The following SCNN1B variants were observed in gnomAD, a reference collection of about 807,000 sequenced individuals.
The protein encoded by SCNN1B is epithelial sodium channel subunit beta.
In SCNN1B, 46 loss-of-function variants were observed where a neutral mutation model predicts 65.3. The observed-to-expected ratio is 0.70, with a 90% CI of 0.56 to 0.90. The LOEUF (loss-of-function observed/expected upper bound fraction) is 0.90. Ranked by LOEUF, SCNN1B falls within the 40% of genes least tolerant of loss-of-function variation. SCNN1B has a pLI of 0.00. For synonymous variants in SCNN1B, 349 were observed against 330.6 expected, an observed-to-expected ratio of 1.06 and a Z score of -0.60; for missense variants, 751 against 830.5, an observed-to-expected ratio of 0.90 and a Z score of 1.18.
At chr16:23,284,087 T>C (rs542944713) in intron 2 of SCNN1B, among the ~76,000 whole-genome samples, 1 of 152,308 alleles carries the variant, frequency 6.6e-6, no homozygotes, top group African/African-American at 2.4e-5. Flanking sequence ...GCAGTAGAGC[T>C]TGGGAAATGT....
intron 1 of SCNN1B, among the ~76,000 whole-genome samples, chr16:23,280,147 G>C (rs905251924): frequency 4.6e-5 from 7 of 152,150 alleles, no homozygotes; most frequent in Admixed American, 3.3e-4. Flanking sequence ...ACTCCGCCAG[G>C]GGCTTTGCGT....
At chr16:23,358,121 A>T (rs1962458403) in intron 4 of SCNN1B, 1 of 152,224 alleles carries the variant, frequency 6.6e-6, no homozygotes, top group African/African-American at 2.4e-5. Context: ...CGGCCACCTC[A>T]TGGGTAGCTG....
chr16:23,305,410 T>C (rs1364839534), intron 1 of SCNN1B, among the ~76,000 whole-genome samples: 1 of 150,270 alleles, frequency 6.7e-6, no homozygotes, highest in Non-Finnish European at 1.5e-5. Context: ...CCCAGCACTT[T>C]GGGAGACCAA....
intron 7 of SCNN1B, among the ~76,000 whole-genome samples, chr16:23,374,268 G>GGAAAAAAA (rs1491419571): frequency 5.0e-4 from 30 of 60,456 alleles, no homozygotes; most frequent in African/African-American, 1.6e-3. Context: ...CCTGTCTCAG[G>GGAAAAAAA]AAAAAAAAAA....
chr16:23,305,534 TTATATATATA>T (rs56338840), intron 1 of SCNN1B, among the ~76,000 whole-genome samples: 2 of 7,372 alleles, frequency 2.7e-4, no homozygotes, highest in Non-Finnish European at 5.2e-4. Flanking sequence ...AATATATATA[TTATATATATA>T]TATATATATA....
At chr16:23,298,066 C>T (rs964211420), upstream of SCNN1B, among the ~76,000 whole-genome samples, 1 of 152,072 alleles carries the variant, frequency 6.6e-6, no homozygotes. Flanking sequence ...ATTGCACTAA[C>T]CCAAAGAAAG....
chr16:23,360,860 TC>T (rs2081510438), intron 4 of SCNN1B, among the ~76,000 whole-genome samples: 1 of 152,064 alleles, frequency 6.6e-6, no homozygotes, highest in Non-Finnish European at 1.5e-5. Context: ...AGTGGCACTA[TC>T]TCGGCTCACC....
chr16:23,343,487 GAAGGAAGGAAGGAAGGAAGGAA>G (rs879602354), intron 1 of SCNN1B, among the ~76,000 whole-genome samples: 2,656 of 90,782 alleles, frequency 0.029, 147 homozygotes, highest in Non-Finnish European at 0.043. Flanking sequence ...AGGAAGGAAG[GAAGGAAGGAAGGAAGGAAGGAA>G]AAGGAAGGAA....
upstream of SCNN1B, among the ~76,000 whole-genome samples, chr16:23,299,296 G>A (rs998970873): frequency 6.6e-6 from 1 of 151,938 alleles, no homozygotes; most frequent in Non-Finnish European, 1.5e-5. Context: ...CTGAGCTCAG[G>A]CAATCCGCCC....
rs993040590 is a variant in SCNN1B at position 23,380,896 on chromosome 16, G to A, written c.*95G>A. The A allele has an allele frequency of 3.6e-6, 5 of 1,382,074 alleles. No homozygotes were observed. The highest frequency in any genetic ancestry group is 1.4e-5 in the African/African-American group (1 of 70,498). 85.6% of individuals were successfully genotyped at this position (1,382,074 alleles called of 1,614,324 possible). On this transcript the variant is annotated 3_prime_UTR_variant, in exon 13 of 13. Transcript: ENST00000343070. The surrounding 1 kb of genome is among the most constrained non-coding windows in gnomAD (Gnocchi z 5.4). ...GTATGGTGCCCTCTCCAAAGGGTCG[G>A]GAGGGTAGCTCTCCAGGCCAGAGCT...
upstream of SCNN1B, among the ~76,000 whole-genome samples, chr16:23,301,977 G>A (rs909562649): frequency 1.3e-5 from 2 of 152,180 alleles, no homozygotes; most frequent in Non-Finnish European, 2.9e-5. Context: ...GTACACGCGT[G>A]GGGTGGGATG....
At chr16:23,363,479 G>A (rs1567312847) in intron 4 of SCNN1B, among the ~76,000 whole-genome samples, 1 of 152,202 alleles carries the variant, frequency 6.6e-6, no homozygotes, top group African/African-American at 2.4e-5. Context: ...CCGGGCTTAT[G>A]TTCTAAGCAG....
chr16:23,322,329 C>G (rs1011847401), intron 1 of SCNN1B, among the ~76,000 whole-genome samples: 2 of 152,100 alleles, frequency 1.3e-5, no homozygotes, highest in Non-Finnish European at 2.9e-5. Flanking sequence ...GAGACAAGGT[C>G]TCACTCTATC....
chr16:23,320,988 T>A (rs1207041267), intron 1 of SCNN1B, among the ~76,000 whole-genome samples: 1 of 152,208 alleles, frequency 6.6e-6, no homozygotes, highest in Non-Finnish European at 1.5e-5. Flanking sequence ...CGGATCTAGA[T>A]GAGTGAGCTT....
chr16:23,349,193 T>C (rs1403244849), intron 2 of SCNN1B, among the ~76,000 whole-genome samples: 2 of 152,128 alleles, frequency 1.3e-5, no homozygotes, highest in Non-Finnish European at 1.5e-5. Flanking sequence ...TCAAACTTCA[T>C]AAACTTTTGG....
chr16:23,328,770 T>C (rs745704363), intron 1 of SCNN1B, among the ~76,000 whole-genome samples: 11 of 152,170 alleles, frequency 7.2e-5, no homozygotes, highest in Non-Finnish European at 1.3e-4. Flanking sequence ...ATGCTATACC[T>C]TGAGCGTTTA....
At chr16:23,338,866 G>C (rs1024131059) in intron 1 of SCNN1B, among the ~76,000 whole-genome samples, 2 of 152,228 alleles carry the variant, frequency 1.3e-5, no homozygotes, top group Admixed American at 6.5e-5. Flanking sequence ...TCTTTTGTTA[G>C]AACTTTATTG....
At position 23,355,371 on chromosome 16, in the gene SCNN1B, A is replaced by G; in HGVS notation, c.658A>G (p.Ile220Val). The G allele has an allele frequency of 6.2e-7, 1 of 1,614,132 alleles. No individual in the cohort carries two copies. The highest frequency in any genetic ancestry group is 8.5e-7 in the Non-Finnish European group (1 of 1,180,024). The change falls in exon 4 of 13, where the codon ATC becomes GTC. Residue 220 changes from isoleucine (I) to valine (V), a missense_variant. Ile to Val is a conservative substitution (Grantham distance 29). Coordinates refer to ENST00000343070, the MANE Select transcript of SCNN1B (RefSeq NM_000336.3). The stretch of plus-strand genomic sequence containing the variant: ...TACCCAGGCATTGACAGAGTGGTAC[A>G]TCCTGCAGGCCACCAACATCTTTGC... ...SATQALTEWY[I>V]LQATNIFAQV...
intron 2 of SCNN1B, among the ~76,000 whole-genome samples, chr16:23,285,003 C>T (rs912772564): frequency 2.0e-5 from 3 of 152,148 alleles, no homozygotes; most frequent in African/African-American, 7.2e-5. Context: ...GCAGGGCTCC[C>T]ACTTGCTCAA....
Sources: gnomAD v4.1 joint callset for allele counts (sites outside exome capture counted in the v4.1 genomes callset) on GRCh38, gnomAD v4.1.1 for gene constraint, Gnocchi (gnomAD v3.1) non-coding constraint, MANE v1.5 for transcripts, NCBI Gene and HGNC (gene_info 2026-07-23, HGNC 2026-07-21) for gene names.